Variants in TYK2 observed in about 807,000 individuals in gnomAD.
TYK2 encodes non-receptor tyrosine-protein kinase TYK2.
A neutral mutation model predicts 130.9 loss-of-function variants in TYK2; 65 were observed. That is an observed-to-expected ratio of 0.50 (90% CI 0.41 to 0.61). The LOEUF is 0.61. Among genes scored for constraint, TYK2 ranks in the 20% least tolerant of loss-of-function variants. The probability of loss-of-function intolerance (pLI) is 0.00; values close to 1 mark genes in which losing one functional copy is unlikely to be tolerated. For synonymous variants in TYK2, 647 were observed against 658.9 expected, an observed-to-expected ratio of 0.98 and a Z score of 0.28; for missense variants, 1,378 against 1,610.7, an observed-to-expected ratio of 0.86 and a Z score of 2.47.
In TYK2 at chr19:10,357,783, T is replaced by C. The variant is rs1186016471; in HGVS notation, c.2447A>G (p.Gln816Arg). 1 of 1,612,426 alleles carries C rather than the reference T, an allele frequency of 6.2e-7. No homozygotes were observed. The highest frequency in any genetic ancestry group is 2.2e-5 in the East Asian group (1 of 44,836). Reference protein sequence around the residue: ...EICFDGEAPLQSRSPSEKEHF... With the variant: ...EICFDGEAPLRSRSPSEKEHF... ...ACATACCTCGGAGGGACTGCGGCTC[T>C]GCAGAGGGGCCTCTCCGTCAAAGCA... Residue 816 changes from glutamine to arginine, a missense_variant, in exon 17 of 25, where the codon CAG becomes CGG. Gln to Arg is a conservative substitution (Grantham distance 43, BLOSUM62 1). Transcript: ENST00000525621.
chr19:10,365,408 G>T, intron 7 of TYK2, 109 bp downstream of exon 7: 1 of 1,531,278 alleles, frequency 6.5e-7, no homozygotes, highest in Non-Finnish European at 8.9e-7. Flanking sequence ...AGAGCCATGT[G>T]GGGAGAGGGC....
intron 3 of TYK2, chr19:10,368,813 C>CTT (rs112143197): frequency 5.0e-4 from 98 of 194,588 alleles, no homozygotes; most frequent in South Asian, 1.3e-3. Context: ...TTAAGTAAAA[C>CTT]TTTTTTTTTT....
intron 14 of TYK2, 112 bp from the exon 15 acceptor site, chr19:10,359,414 G>T: frequency 7.5e-7 from 1 of 1,333,522 alleles, no homozygotes; most frequent in Non-Finnish European, 1.0e-6. Flanking sequence ...GAGGTGTCAG[G>T]GCAGAGGTGT....
Position 10,361,634 on chromosome 19 carries a change from C to A in TYK2, c.1960-36G>T. ...CGGGCAGGTCAGGTGGCTGCAAAGC[C>A]GACCCCTCCCATCCCACCTCCTCCA... On this transcript the variant is annotated intron_variant, in intron 13 of 24. Coordinates refer to ENST00000525621, the MANE Select transcript of TYK2 (RefSeq NM_003331.5). This position sits in a 1 kb window ranked among gnomAD's most constrained non-coding sequence, Gnocchi z 4.0. 6.4e-7 allele frequency: 1 copy of A among 1,552,802 alleles called. No homozygotes were observed. Among genetic ancestry groups the A allele is most frequent in the Non-Finnish European group, 8.7e-7 (1 of 1,151,736 alleles).
In TYK2 at chr19:10,359,253, C is replaced by A. The variant is rs1221651716; in HGVS notation, c.2097G>T (p.Leu699=). 1 of 1,611,774 alleles carries A rather than the reference C, an allele frequency of 6.2e-7. No individual in the cohort carries two copies. The highest frequency in any genetic ancestry group is 1.1e-5 in the South Asian group (1 of 91,042). ...YVEHGPLDVW[L]RRERGHVPMA... is the part of the protein sequence containing the mutation. ...TGGGCACATGGCCCCGCTCCCTCCG[C>A]AGCCACACATCCAGGGGTCCGTGCT... The change falls in exon 15 of 25, where the codon CTG becomes CTT. Residue 699 remains leucine, a synonymous_variant. Transcript: ENST00000525621.
At chr19:10,365,159 G>A in intron 7 of TYK2, 111 bp from the exon 8 acceptor site, 1 of 1,252,836 alleles carries the variant, frequency 8.0e-7, no homozygotes, top group Non-Finnish European at 1.1e-6. Context: ...ACCAACCTAG[G>A]TTGACCTCCC....
chr19:10,356,750 T>C, intron 17 of TYK2, 32 bp from the exon 18 acceptor site: 1 of 1,571,970 alleles, frequency 6.4e-7, no homozygotes, highest in Non-Finnish European at 8.6e-7. Flanking sequence ...GGAGTCAACA[T>C]CCTCCCCTCG....
At chr19:10,370,962 A>AC (rs980159564) in intron 3 of TYK2, among the ~76,000 whole-genome samples, 10 of 151,724 alleles carry the variant, frequency 6.6e-5, no homozygotes, top group Non-Finnish European at 1.3e-4. Context: ...ACATAGTGAG[A>AC]CCCCTCATCT....
chr19:10,371,839 A>G (rs940359841), intron 3 of TYK2, among the ~76,000 whole-genome samples: 1 of 151,982 alleles, frequency 6.6e-6, no homozygotes, highest in Non-Finnish European at 1.5e-5. Flanking sequence ...TTATTGAGGG[A>G]CTTTGCAATG....
chr19:10,354,266 C>G, intron 19 of TYK2, 32 bp from the exon 20 acceptor site: 3 of 1,605,654 alleles, frequency 1.9e-6, no homozygotes, highest in Non-Finnish European at 2.5e-6. Context: ...TCAGCTCCAC[C>G]TCCCCAATCC....
chr19:10,366,657 G>T, intron 5 of TYK2, 77 bp from the exon 6 acceptor site: 1 of 1,560,152 alleles, frequency 6.4e-7, no homozygotes, highest in Non-Finnish European at 8.8e-7. Flanking sequence ...CAATCTTCTG[G>T]CTACCCTGGA....
In TYK2 at chr19:10,354,039, C is replaced by T. The variant is rs760261308; in HGVS notation, c.2908+3G>A. ...TCTCTAGGACTCGCCGGGTCCCGCC[C>T]ACCTTGGTCCTCGCAGCAGCCCTTG... On this transcript the variant is annotated splice_donor_region_variant and intron_variant, in intron 20 of 24. Transcript: ENST00000525621. The T allele has an allele frequency of 3.1e-6, 5 of 1,613,900 alleles. No individual in the cohort carries two copies. The African/African-American group carries it at 5.3e-5, about 17-fold the overall frequency.
intron 9 of TYK2, among the ~76,000 whole-genome samples, chr19:10,363,187 CTTTT>C (rs942594471): frequency 6.3e-5 from 8 of 127,674 alleles, no homozygotes; most frequent in Non-Finnish European, 6.6e-5. Flanking sequence ...CCTGATCTCT[CTTTT>C]TTTTTTTTTT....
intron 3 of TYK2, among the ~76,000 whole-genome samples, chr19:10,371,242 G>A (rs1234845397): frequency 6.6e-6 from 1 of 151,674 alleles, no homozygotes; most frequent in Non-Finnish European, 1.5e-5. Context: ...CTGGGAGGCT[G>A]AGCTACTCAG....
At chr19:10,370,233 C>T (rs556718056) in intron 3 of TYK2, among the ~76,000 whole-genome samples, 7 of 151,794 alleles carry the variant, frequency 4.6e-5, no homozygotes, top group Non-Finnish European at 7.4e-5. Flanking sequence ...GTGGCATGTG[C>T]CTGTAATTCC....
rs1017935804 is a variant in TYK2 at position 10,353,912 on chromosome 19, A to G, written c.2908+130T>C. 2.6e-5 allele frequency: 27 copies of G among 1,039,634 alleles called. No individual in the cohort carries two copies. In the African/African-American group the frequency reaches 4.1e-4, roughly 16 times the overall value. 64.4% of individuals were successfully genotyped at this position (1,039,634 alleles called of 1,614,324 possible). A position where few individuals can be genotyped will look rare whatever the true frequency, so the allele number is the denominator to read the frequency against. ...CCCAGCCACGCTCACCCAGATGCCAAGAACCGCGTACTGCAGCCTGGGGTT... is the reference window on the plus strand; with the variant it reads ...CCCAGCCACGCTCACCCAGATGCCAGGAACCGCGTACTGCAGCCTGGGGTT... On this transcript the variant is annotated intron_variant, in intron 20 of 24. Transcript: ENST00000525621. The surrounding 1 kb of genome is among the most constrained non-coding windows in gnomAD (Gnocchi z 6.9).
chr19:10,357,304 G>T, intron 17 of TYK2: 1 of 586,248 alleles, frequency 1.7e-6, no homozygotes, highest in South Asian at 2.0e-5. Context: ...CAGGAGAATC[G>T]CTTGAACCCA....
At chr19:10,377,665 T>TGGATGGGTGGGTGG (rs527298192) in intron 3 of TYK2, among the ~76,000 whole-genome samples, 1 of 332 alleles carries the variant, frequency 3.0e-3, no homozygotes. Context: ...AATGGGTGGG[T>TGGATGGGTGGGTGG]ATGGATGGAT....
Position 10,359,172 on chromosome 19 carries a change from C to T in TYK2, c.2175+3G>A. ...ACCCAGGCCCCACACACAGGCCACA[C>T]ACCAGGTAGCTGAGGGCGCTGGCCA... On this transcript the variant is annotated splice_donor_region_variant and intron_variant, in intron 15 of 24. Transcript: ENST00000525621. 6.2e-7 allele frequency: 1 copy of T among 1,601,932 alleles called. No homozygotes were observed. Among genetic ancestry groups the T allele is most frequent in the Non-Finnish European group, 8.5e-7 (1 of 1,179,862 alleles).
Sources: allele counts gnomAD v4.1 joint callset (sites outside exome capture counted in the v4.1 genomes callset), GRCh38; gene constraint gnomAD v4.1.1; non-coding constraint Gnocchi (gnomAD v3.1); transcripts MANE v1.5; gene names NCBI Gene and HGNC (gene_info 2026-07-23, HGNC 2026-07-21).